LRRC4C: variants seen among roughly 807,000 people sequenced by gnomAD.
LRRC4C encodes leucine rich repeat containing 4C, also known as leucine-rich repeat-containing protein 4C.
In LRRC4C, 5 loss-of-function variants were observed where a neutral mutation model predicts 33.6. The observed-to-expected ratio is 0.15, with a 90% CI of 0.08 to 0.31. LRRC4C has a LOEUF of 0.31. Ranked by LOEUF, LRRC4C falls within the 10% of genes least tolerant of loss-of-function variation. The pLI is 1.00. For missense variants in LRRC4C, 560 were observed against 796.7 expected, an observed-to-expected ratio of 0.70 and a Z score of 3.58; for synonymous variants, 329 against 302.0, an observed-to-expected ratio of 1.09 and a Z score of -0.93.
intron 2 of LRRC4C, among the ~76,000 whole-genome samples, chr11:40,760,025 C>T (rs1949130944): frequency 6.7e-6 from 1 of 150,118 alleles, no homozygotes; most frequent in Non-Finnish European, 1.5e-5. Context: ...ATTCATCTGA[C>T]AAGTGACTCT....
intron 2 of LRRC4C, among the ~76,000 whole-genome samples, chr11:40,829,880 C>T (rs563872219): frequency 4.6e-5 from 7 of 151,956 alleles, no homozygotes; most frequent in African/African-American, 1.4e-4. Flanking sequence ...AAACTAATAA[C>T]GCAGACACAA....
rs34915521 is a variant in LRRC4C at position 41,037,282 on chromosome 11, GTT to G, written c.-495-103561_-495-103560del. On this transcript the variant is annotated intron_variant, in intron 1 of 6. Coordinates refer to ENST00000528697, the MANE Select transcript of LRRC4C (RefSeq NM_001258419.2). Reference sequence around the variant, plus strand: ...CTTCCCAATTACCTATCTTTGATGGGTTTTTTTTTTTCTGATAATGCCTCAAT... The same window carrying G: ...CTTCCCAATTACCTATCTTTGATGGGTTTTTTTTTCTGATAATGCCTCAAT... Among the ~76,000 whole-genome samples, 187 of 148,264 alleles carry G rather than the reference GTT, an allele frequency of 1.3e-3. 1 individual carries two copies. Among genetic ancestry groups the G allele is most frequent in the African/African-American group, 4.3e-3 (173 of 40,590 alleles).
chr11:41,099,790 C>T (rs766114604), intron 1 of LRRC4C, among the ~76,000 whole-genome samples: 6 of 151,692 alleles, frequency 4.0e-5, no homozygotes, highest in Non-Finnish European at 7.4e-5. Context: ...AGACAGAATG[C>T]CCTCTCTCAC....
intron 2 of LRRC4C, among the ~76,000 whole-genome samples, chr11:40,809,634 ATTGT>A (rs1465528796): frequency 1.3e-5 from 2 of 152,132 alleles, no homozygotes; most frequent in Admixed American, 6.5e-5. Context: ...AAAGCAACGT[ATTGT>A]TTGTTTCACT....
At position 41,378,885 on chromosome 11, in the gene LRRC4C, CTT is replaced by C. The variant is rs568996205; in HGVS notation, c.-496+80544_-496+80545del. On this transcript the variant is annotated intron_variant, in intron 1 of 6. Transcript: ENST00000528697. ...TCAAACTCAATATCTCTAATCAAGA[CTT>C]AGGAACAAAAACAATATAAGTCAGC... is the stretch of plus-strand genomic sequence containing the variant. Among the ~76,000 whole-genome samples the C allele has an allele frequency of 1.3e-3, 201 of 151,162 alleles. 1 individual carries two copies. The highest frequency in any genetic ancestry group is 4.7e-3 in the African/African-American group (193 of 41,274).
chr11:40,717,031 A>G (rs1946760920), intron 2 of LRRC4C, among the ~76,000 whole-genome samples: 1 of 152,060 alleles, frequency 6.6e-6, no homozygotes, highest in South Asian at 2.1e-4. Flanking sequence ...TTTTGTTCTC[A>G]CCCTGGAAGA....
chr11:40,759,420 C>T (rs1949095341), intron 2 of LRRC4C, among the ~76,000 whole-genome samples: 1 of 151,598 alleles, frequency 6.6e-6, no homozygotes. Flanking sequence ...AACCATGTGA[C>T]ATCAAATACC....
chr11:40,525,212 C>A (rs896363833), intron 3 of LRRC4C, among the ~76,000 whole-genome samples: 1 of 151,972 alleles, frequency 6.6e-6, no homozygotes, highest in Admixed American at 6.6e-5. Context: ...TTTGGGAGGT[C>A]GAGGCAGGTG....
intron 2 of LRRC4C, among the ~76,000 whole-genome samples, chr11:40,659,661 AAGAGTTACCCAC>A (rs977482577): frequency 1.6e-4 from 25 of 152,178 alleles, no homozygotes; most frequent in African/African-American, 5.8e-4. Context: ...GCCTGTGGAA[AAGAGTTACCCAC>A]AGAGTTACCC....
intron 3 of LRRC4C, among the ~76,000 whole-genome samples, chr11:40,540,305 C>A (rs1053758454): frequency 2.6e-5 from 4 of 152,082 alleles, no homozygotes; most frequent in African/African-American, 4.8e-5. Flanking sequence ...AGAAGGAAAC[C>A]CTTTCAGAAA....
intron 5 of LRRC4C, among the ~76,000 whole-genome samples, chr11:40,180,751 G>T (rs1473141771): frequency 2.6e-5 from 4 of 152,200 alleles, no homozygotes; most frequent in African/African-American, 4.8e-5. Context: ...GGAGATGTTT[G>T]CATGCATGTG....
At chr11:41,311,228 G>A (rs1211099164) in intron 1 of LRRC4C, among the ~76,000 whole-genome samples, 1 of 152,092 alleles carries the variant, frequency 6.6e-6, no homozygotes, top group Non-Finnish European at 1.5e-5. Context: ...AGTAGTTCTG[G>A]AAGCACAAGG....
At chr11:40,703,860 A>G (rs942496437) in intron 2 of LRRC4C, among the ~76,000 whole-genome samples, 27 of 152,178 alleles carry the variant, frequency 1.8e-4, no homozygotes, top group Non-Finnish European at 3.7e-4. Context: ...TGCTATATCA[A>G]TGTTAACATT....
rs1958981741 is a variant in LRRC4C at position 40,590,357 on chromosome 11, G to A, written c.-270+57785C>T. 2.1e-5 allele frequency among the ~76,000 whole-genome samples: 3 copies of A among 142,258 alleles called. No individual in the cohort carries two copies. In the South Asian group the frequency reaches 7.2e-4, roughly 34 times the overall value. The allele number at this position is 142,258 out of a possible 152,430, so 93.3% of individuals were successfully genotyped here. On this transcript the variant is annotated intron_variant, in intron 3 of 6. Transcript: ENST00000528697. ...CTCCTTTAAGCACTTCTATGTATTG[G>A]TTATTCTACTTATACATTCTTCTAA...
chr11:41,314,666 G>T (rs1950735602), intron 1 of LRRC4C, among the ~76,000 whole-genome samples: 1 of 152,124 alleles, frequency 6.6e-6, no homozygotes, highest in African/African-American at 2.4e-5. Context: ...GGGGCCGTGG[G>T]AGGGGTAGCA....
chr11:40,991,204 TA>T (rs1186155913), intron 1 of LRRC4C, among the ~76,000 whole-genome samples: 32,634 of 103,080 alleles, frequency 0.32, 4,481 homozygotes, highest in Middle Eastern at 0.37. Flanking sequence ...TCCCAATATG[TA>T]AAAAAAAAAA....
chr11:41,259,925 G>C (rs561558568), intron 1 of LRRC4C, among the ~76,000 whole-genome samples: 1 of 151,862 alleles, frequency 6.6e-6, no homozygotes, highest in Non-Finnish European at 1.5e-5. Flanking sequence ...CCTGCGTTCT[G>C]TTAATATGCC....
intron 1 of LRRC4C, among the ~76,000 whole-genome samples, chr11:41,337,746 C>T (rs535045244): frequency 6.6e-6 from 1 of 152,008 alleles, no homozygotes; most frequent in African/African-American, 2.4e-5. Context: ...CAGAGTGAAC[C>T]AGCAACCTAC....
intron 1 of LRRC4C, among the ~76,000 whole-genome samples, chr11:41,345,391 C>T (rs985374589): frequency 7.9e-5 from 12 of 152,068 alleles, no homozygotes; most frequent in African/African-American, 2.9e-4. Context: ...ATGTATTCCG[C>T]CATGGTCTTT....
Sources: allele counts gnomAD v4.1 joint callset (sites outside exome capture counted in the v4.1 genomes callset), GRCh38; gene constraint gnomAD v4.1.1; transcripts MANE v1.5; gene names NCBI Gene and HGNC (gene_info 2026-07-23, HGNC 2026-07-21).